ENTREP3: variants seen among roughly 807,000 people sequenced by gnomAD.
ENTREP3 encodes the protein protein ENTREP3.
At chr1:155,250,704 T>TA in the ENTREP3 span, 1 of 1,612,944 alleles carries the variant, frequency 6.2e-7, no homozygotes, top group Non-Finnish European at 8.5e-7. This position sits in a 1 kb window ranked among gnomAD's most constrained non-coding sequence, Gnocchi z 5.4. Context: ...AAAGAGAACG[T>TA]AGTCCACGGA....
At chr1:155,251,813 C>A in the ENTREP3 span, 3 of 1,580,950 alleles carry the variant, frequency 1.9e-6, no homozygotes, top group Non-Finnish European at 1.7e-6. Flanking sequence ...CAAATTCCTC[C>A]AGGTCCAGCA....
the ENTREP3 span, chr1:155,250,543 C>A: frequency 6.4e-7 from 1 of 1,563,170 alleles, no homozygotes; most frequent in Non-Finnish European, 8.6e-7. This position sits in a 1 kb window ranked among gnomAD's most constrained non-coding sequence, Gnocchi z 5.4. Context: ...GCTGTGGGGG[C>A]ACCCAGTGGG....
the ENTREP3 span, chr1:155,247,737 C>CG: frequency 1.4e-6 from 2 of 1,454,142 alleles, no homozygotes; most frequent in Admixed American, 5.4e-5. Flanking sequence ...TCCCAACCAG[C>CG]TGGTGCCTGT....
chr1:155,254,407 G>C, the ENTREP3 span: 14 of 1,614,046 alleles, frequency 8.7e-6, no homozygotes, highest in African/African-American at 1.3e-5. This position sits in a 1 kb window ranked among gnomAD's most constrained non-coding sequence, Gnocchi z 4.4. Context: ...TACCACTAGA[G>C]TGAATGGCCG....
chr1:155,252,276 C>T, the ENTREP3 span, among the ~76,000 whole-genome samples: 4 of 151,938 alleles, frequency 2.6e-5, no homozygotes, highest in African/African-American at 9.7e-5. Context: ...CAGCTCACTG[C>T]AACCCCCACC....
At chr1:155,252,709 TATATATA>T in the ENTREP3 span, 1 of 55,490 alleles carries the variant, frequency 1.8e-5, no homozygotes, top group Non-Finnish European at 3.4e-5. Context: ...TATATATATA[TATATATA>T]TATATATTTT....
chr1:155,250,419 G>C, the ENTREP3 span: 4 of 1,499,900 alleles, frequency 2.7e-6, no homozygotes, highest in East Asian at 1.0e-4. This position sits in a 1 kb window ranked among gnomAD's most constrained non-coding sequence, Gnocchi z 5.4. Flanking sequence ...CGGGGCTCGG[G>C]TGGGCGGGGC....
the ENTREP3 span, chr1:155,253,405 T>G: frequency 1.0e-4 from 57 of 557,412 alleles, 1 homozygote; most frequent in Middle Eastern, 1.4e-3. Flanking sequence ...CCTCTCCTGG[T>G]CCCAGACCAG....
the ENTREP3 span, chr1:155,250,895 C>T: frequency 1.7e-5 from 25 of 1,445,986 alleles, no homozygotes; most frequent in African/African-American, 2.8e-5. This position sits in a 1 kb window ranked among gnomAD's most constrained non-coding sequence, Gnocchi z 5.4. Flanking sequence ...TCCTCTTCTC[C>T]CAAGCCCAGC....
At chr1:155,251,196 C>T in the ENTREP3 span, 1 of 1,532,520 alleles carries the variant, frequency 6.5e-7, no homozygotes, top group Non-Finnish European at 8.9e-7. Flanking sequence ...GGGTTCAGCC[C>T]TACACACTGA....
At chr1:155,251,720 C>A in the ENTREP3 span, 1 of 1,612,974 alleles carries the variant, frequency 6.2e-7, no homozygotes, top group Non-Finnish European at 8.5e-7. Flanking sequence ...AGCAAGACCC[C>A]ACCAGGCCTT....
At chr1:155,251,931 A>G in the ENTREP3 span, 3 of 1,413,768 alleles carry the variant, frequency 2.1e-6, no homozygotes, top group Admixed American at 3.4e-5. Flanking sequence ...GCAGGTCAGC[A>G]AGTCTGGATT....
chr1:155,251,357 G>A, the ENTREP3 span: 2 of 731,704 alleles, frequency 2.7e-6, no homozygotes, highest in East Asian at 5.4e-5. Flanking sequence ...CAGGCTCTAG[G>A]GAAGATCAAA....
the ENTREP3 span, chr1:155,254,128 A>G: frequency 6.2e-7 from 1 of 1,614,116 alleles, no homozygotes; most frequent in South Asian, 1.1e-5. The surrounding 1 kb of genome is among the most constrained non-coding windows in gnomAD (Gnocchi z 4.4). Context: ...GCATTCTTAC[A>G]GGAGAGAACA....
At chr1:155,251,798 C>G in the ENTREP3 span, 1 of 1,586,102 alleles carries the variant, frequency 6.3e-7, no homozygotes, top group Admixed American at 1.9e-5. Flanking sequence ...GGGGCACAGG[C>G]GGGACAAATT....
At chr1:155,253,459 C>T in the ENTREP3 span, 2 of 599,182 alleles carry the variant, frequency 3.3e-6, no homozygotes, top group Non-Finnish European at 6.0e-6. Context: ...CCTTCTCATC[C>T]TCCCCACTAA....
the ENTREP3 span, chr1:155,252,708 A>G: frequency 8.6e-5 from 4 of 46,464 alleles, no homozygotes; most frequent in African/African-American, 3.6e-4. Context: ...ATATATATAT[A>G]TATATATATA....
At chr1:155,251,245 T>C in the ENTREP3 span, 3 of 1,137,488 alleles carry the variant, frequency 2.6e-6, no homozygotes, top group Non-Finnish European at 3.7e-6. Context: ...GAGACTTAGA[T>C]TCCAGACCAG....
At chr1:155,253,871 T>G in the ENTREP3 span, 2 of 1,612,974 alleles carry the variant, frequency 1.2e-6, no homozygotes, top group Non-Finnish European at 1.7e-6. Flanking sequence ...TGAGGGCCCC[T>G]CGGGCTTCAT....
Sources: allele counts gnomAD v4.1 joint callset (sites outside exome capture counted in the v4.1 genomes callset), GRCh38; gene constraint gnomAD v4.1.1; non-coding constraint Gnocchi (gnomAD v3.1); transcripts MANE v1.5; gene names NCBI Gene and HGNC (gene_info 2026-07-23, HGNC 2026-07-21).